KLK10: variants seen among roughly 807,000 people sequenced by gnomAD.
The protein encoded by KLK10 is kallikrein related peptidase 10, also known as kallikrein-10.
A neutral mutation model predicts 25.7 loss-of-function variants in KLK10; 27 were observed. The observed-to-expected ratio is 1.05, with a 90% CI of 0.77 to 1.45. The LOEUF is 1.45. Among genes scored for constraint, KLK10 ranks in the 40% most tolerant of loss-of-function variants. The pLI is 0.00. For missense variants in KLK10, 386 were observed against 370.0 expected (o/e 1.04, Z -0.35); for synonymous variants, 173 against 160.1 (o/e 1.08, Z -0.61).
intron 2 of KLK10, 138 bp downstream of exon 2, chr19:51,018,905 G>A: frequency 1.5e-6 from 1 of 676,438 alleles, no homozygotes; most frequent in Non-Finnish European, 2.6e-6. Flanking sequence ...CTTGGGGGCG[G>A]GCCGTGCTCC....
intron 4 of KLK10, 77 bp from the exon 5 acceptor site, chr19:51,015,627 G>A (rs1023958356): frequency 1.3e-5 from 19 of 1,496,736 alleles, no homozygotes; most frequent in South Asian, 3.4e-5. Flanking sequence ...ATACAAGACC[G>A]TTTCTATCCT....
In KLK10 at chr19:51,015,979, C is replaced by T. The variant is rs764968599; in HGVS notation, c.447G>A (p.Leu149=). ...MLLKLARPVV[L]GPRVRALQLP... ...GCTGCAGGGCCCGGACGCGGGGCCC[C>T]AGCACTACGGGCCTGGCCAGCTTCA... is the stretch of plus-strand genomic sequence containing the variant. The change falls in exon 4 of 6, where the codon CTG becomes CTA. Residue 149 remains leucine (L), a synonymous_variant. Coordinates refer to ENST00000358789, the MANE Select transcript of KLK10 (RefSeq NM_145888.3). 5 of 1,578,078 alleles carry T rather than the reference C, an allele frequency of 3.2e-6. No individual in the cohort carries two copies. Among genetic ancestry groups the T allele is most frequent in the Non-Finnish European group, 4.3e-6 (5 of 1,162,522 alleles).
intron 2 of KLK10, among the ~76,000 whole-genome samples, chr19:51,017,649 TC>T (rs1399503515): frequency 6.7e-6 from 1 of 148,268 alleles, no homozygotes; most frequent in Non-Finnish European, 1.5e-5. Context: ...AACTCGGGGA[TC>T]GGGGAGAGGA....
At chr19:51,018,794 G>A in intron 2 of KLK10, 1 of 558,114 alleles carries the variant, frequency 1.8e-6, no homozygotes. Context: ...AGAACGCGGC[G>A]AAGAGTCCAC....
rs144886029 is a variant in KLK10 at position 51,014,707 on chromosome 19, C to T, written c.*93G>A. On this transcript the variant is annotated 3_prime_UTR_variant, in exon 6 of 6. Transcript: ENST00000358789. ...AGTGCAGACAAGGGGAGAGTTCAGC[C>T]GACTGGGGAGGAAGAGGATGGACGA... 3.0e-5 allele frequency: 41 copies of T among 1,369,256 alleles called. No individual in the cohort carries two copies. Among genetic ancestry groups the T allele is most frequent in the East Asian group, 2.3e-4 (10 of 43,618 alleles). 84.8% of individuals were successfully genotyped at this position (1,369,256 alleles called of 1,614,324 possible).
intron 3 of KLK10, 33 bp downstream of exon 3, chr19:51,017,077 C>T (rs2091338019): frequency 9.1e-6 from 14 of 1,535,838 alleles, no homozygotes; most frequent in Non-Finnish European, 1.2e-5. Context: ...CCACAGCCCC[C>T]CGTGGCGTCC....
At position 51,019,269 on chromosome 19, in the gene KLK10, C is replaced by T; in HGVS notation, c.-9-130G>A. On this transcript the variant is annotated intron_variant, in intron 1 of 5. Transcript: ENST00000358789. The surrounding 1 kb of genome is among the most constrained non-coding windows in gnomAD (Gnocchi z 4.2). ...CCTTTTGACCTGCAGCCGATAACCC[C>T]AGGGGCTGGCAGACGGGAGATTCGG... 1 of 592,068 alleles carries T rather than the reference C, an allele frequency of 1.7e-6. No individual in the cohort carries two copies. Among genetic ancestry groups the T allele is most frequent in the South Asian group, 2.1e-5 (1 of 48,430 alleles). The allele number at this position is 592,068 out of a possible 1,614,324, so 36.7% of individuals were successfully genotyped here.
At chr19:51,016,189 C>A (rs778585215) in intron 3 of KLK10, 33 bp from the exon 4 acceptor site, 7 of 1,527,040 alleles carry the variant, frequency 4.6e-6, no homozygotes, top group Non-Finnish European at 6.2e-6. Flanking sequence ...GAAGGCAAAC[C>A]CTTCATAGGG....
chr19:51,015,372 GT>G (rs1158029056), intron 5 of KLK10, 44 bp downstream of exon 5: 1 of 1,597,072 alleles, frequency 6.3e-7, no homozygotes, highest in Non-Finnish European at 8.6e-7. Flanking sequence ...TAACCTCCCT[GT>G]CCTCCCTCCC....
rs2569448 is a variant in KLK10 at position 51,013,190 on chromosome 19, C to A, written c.*1610G>T. On this transcript the variant is annotated 3_prime_UTR_variant, in exon 6 of 6. Coordinates refer to ENST00000358789, the MANE Select transcript of KLK10 (RefSeq NM_145888.3). ...ACGGAAGGGAGCTGTGTGCTCAGAC[C>A]TTGTACATCAACCTCCTGTGGGCTC... 0.64 allele frequency: 96,962 copies of A among 151,872 alleles called. 32,149 individuals carry two copies. The highest frequency in any genetic ancestry group is 0.83 in the African/African-American group (34,184 of 41,404). 9.4% of individuals were successfully genotyped at this position (151,872 alleles called of 1,614,324 possible). A position where few individuals can be genotyped will look rare whatever the true frequency, so the allele number is the denominator to read the frequency against.
In KLK10 at chr19:51,016,001, T is replaced by G. The variant is rs757242480; in HGVS notation, c.425A>C (p.Lys142Thr). 9 of 1,569,822 alleles carry G rather than the reference T, an allele frequency of 5.7e-6. No individual in the cohort carries two copies. The South Asian group carries it at 1.1e-4, about 18-fold the overall frequency. The change falls in exon 4 of 6, where the codon AAG becomes ACG. Residue 142 changes from lysine to threonine, a missense_variant. Lys to Thr is a moderately conservative substitution (Grantham distance 78). Coordinates refer to ENST00000358789, the MANE Select transcript of KLK10 (RefSeq NM_145888.3). ...CCCCAGCACTACGGGCCTGGCCAGCTTCAGCAACATGAGATCGTGCTCATC... is the reference window on the plus strand; with the variant it reads ...CCCCAGCACTACGGGCCTGGCCAGCGTCAGCAACATGAGATCGTGCTCATC... Reference protein sequence around the residue: ...RTDEHDLMLLKLARPVVLGPR... With the variant: ...RTDEHDLMLLTLARPVVLGPR...
chr19:51,014,836 G>A lies in KLK10; in HGVS notation c.795C>T (p.Tyr265=). 6.2e-7 allele frequency: 1 copy of A among 1,614,112 alleles called. No individual in the cohort carries two copies. The highest frequency in any genetic ancestry group is 8.5e-7 in the Non-Finnish European group (1 of 1,179,958). Residue 265 remains tyrosine, a synonymous_variant, in exon 6 of 6, where the codon TAC becomes TAT. Transcript: ENST00000358789. Reference sequence around the variant, plus strand: ...GTATGACTTTATTGATCCAGGACATGTATTTGCAGATCTGGGTGTAGACAG... The same window carrying A: ...GTATGACTTTATTGATCCAGGACATATATTTGCAGATCTGGGTGTAGACAG... ...HPAVYTQICK[Y]MSWINKVIRS...
At chr19:51,017,827 A>G (rs2091349904) in intron 2 of KLK10, among the ~76,000 whole-genome samples, 1 of 82,830 alleles carries the variant, frequency 1.2e-5, no homozygotes, top group Non-Finnish European at 2.2e-5. Flanking sequence ...CTACAAAAAC[A>G]AACAAACAAC....
intron 4 of KLK10, 75 bp from the exon 5 acceptor site, chr19:51,015,625 C>G: frequency 6.7e-7 from 1 of 1,500,796 alleles, no homozygotes; most frequent in Non-Finnish European, 9.2e-7. Flanking sequence ...AGATACAAGA[C>G]CGTTTCTATC....
Position 51,019,215 on chromosome 19 carries a change from C to T in KLK10, c.-9-76G>A. On this transcript the variant is annotated intron_variant, in intron 1 of 5. Transcript: ENST00000358789. This position sits in a 1 kb window ranked among gnomAD's most constrained non-coding sequence, Gnocchi z 4.2. ...CCCCACCTCGCCGCGCTCATCCGCC[C>T]AGCCTGGGCCACCCCAGCCCGCAAG... 1 of 1,026,864 alleles carries T rather than the reference C, an allele frequency of 9.7e-7. No individual in the cohort carries two copies. Among genetic ancestry groups the T allele is most frequent in the Non-Finnish European group, 1.4e-6 (1 of 707,512 alleles). 63.6% of individuals were successfully genotyped at this position (1,026,864 alleles called of 1,614,324 possible).
At chr19:51,016,562 C>CTTTT (rs549681904) in intron 3 of KLK10, among the ~76,000 whole-genome samples, 3 of 139,550 alleles carry the variant, frequency 2.1e-5, no homozygotes, top group African/African-American at 7.9e-5. Flanking sequence ...CACACCCAGC[C>CTTTT]TTTTTTTTTT....
At position 51,015,946 on chromosome 19, in the gene KLK10, G is replaced by A. The variant is rs749579353; in HGVS notation, c.480C>T (p.Tyr160=). Residue 160 remains tyrosine (Y), a synonymous_variant, in exon 4 of 6, where the codon TAC becomes TAT. Coordinates refer to ENST00000358789, the MANE Select transcript of KLK10 (RefSeq NM_145888.3). The part of the protein sequence containing the change: ...GPRVRALQLP[Y]RCAQPGDQCQ... ...ACTGGTCTCCGGGCTGAGCACAGCG[G>A]TAGGGAAGCTGCAGGGCCCGGACGC... 2 of 1,591,018 alleles carry A rather than the reference G, an allele frequency of 1.3e-6. No individual in the cohort carries two copies. Among genetic ancestry groups the A allele is most frequent in the Non-Finnish European group, 8.5e-7 (1 of 1,171,262 alleles).
rs142960865 is a variant in KLK10, at chr19:51,015,436, C to T, written c.659G>A (p.Arg220Gln). Residue 220 changes from arginine to glutamine, a missense_variant, in exon 5 of 6, where the codon CGG (arginine) becomes CAG (glutamine). Coordinates refer to ENST00000358789, the MANE Select transcript of KLK10 (RefSeq NM_145888.3). ...TNNMICAGLDRGQDPCQSDSG... is the reference protein window; with the variant it reads ...TNNMICAGLDQGQDPCQSDSG... ...CCCTACCTGGCAAGGGTCCTGGCCCCGGTCCAGTCCAGCACATATCATGTT... is the reference window on the plus strand; with the variant it reads ...CCCTACCTGGCAAGGGTCCTGGCCCTGGTCCAGTCCAGCACATATCATGTT... 137 of 1,613,634 alleles carry T rather than the reference C, an allele frequency of 8.5e-5. 1 individual carries two copies. The highest frequency in any genetic ancestry group is 3.3e-4 in the Middle Eastern group (2 of 6,066).
intron 3 of KLK10, 139 bp downstream of exon 3, chr19:51,016,971 G>C (rs1379738701): frequency 1.1e-6 from 1 of 889,128 alleles, no homozygotes; most frequent in East Asian, 2.8e-5. Context: ...CGCAAGCCCG[G>C]TCTCTCCTCC....
Sources: allele counts gnomAD v4.1 joint callset (sites outside exome capture counted in the v4.1 genomes callset), GRCh38; gene constraint gnomAD v4.1.1; non-coding constraint Gnocchi (gnomAD v3.1); transcripts MANE v1.5; gene names NCBI Gene and HGNC (gene_info 2026-07-23, HGNC 2026-07-21).